CHST8: variants seen among roughly 807,000 people sequenced by gnomAD.
CHST8 encodes carbohydrate sulfotransferase 8.
A neutral mutation model predicts 15.0 loss-of-function variants in CHST8; 10 were observed. The ratio of observed to expected loss-of-function variants is 0.67; its 90% CI spans 0.41 to 1.13. The LOEUF (loss-of-function observed/expected upper bound fraction) is 1.13. Among genes scored for constraint, CHST8 ranks in the 50% most tolerant of loss-of-function variants. The pLI, the probability that CHST8 is intolerant of heterozygous loss-of-function variation, is 0.00. For synonymous variants in CHST8, 259 were observed against 256.6 expected (o/e 1.01, Z -0.09); for missense variants, 634 against 608.2 (o/e 1.04, Z -0.45).
intron 1 of CHST8, among the ~76,000 whole-genome samples, chr19:33,648,814 C>G (rs1972391081): frequency 1.5e-5 from 2 of 133,002 alleles, no homozygotes; most frequent in East Asian, 4.0e-4. Flanking sequence ...ACCCAAATAT[C>G]CATCAATAGA....
At chr19:33,677,299 C>T (rs1032179035) in intron 2 of CHST8, among the ~76,000 whole-genome samples, 1 of 152,184 alleles carries the variant, frequency 6.6e-6, no homozygotes, top group African/African-American at 2.4e-5. Context: ...GCCCCACGTA[C>T]AGGGATCATA....
intron 3 of CHST8, among the ~76,000 whole-genome samples, chr19:33,740,577 C>T (rs1468829264): frequency 2.0e-5 from 3 of 152,214 alleles, no homozygotes; most frequent in Admixed American, 6.5e-5. Context: ...ACTGTCATAC[C>T]ACTGTGTTGA....
At chr19:33,671,762 A>G (rs980037006) in intron 2 of CHST8, among the ~76,000 whole-genome samples, 2 of 151,766 alleles carry the variant, frequency 1.3e-5, no homozygotes, top group African/African-American at 4.8e-5. Context: ...CTCTAAGGTT[A>G]TATATAATCT....
rs749617284 is a variant in CHST8 at position 33,772,882 on chromosome 19, C to A, written c.1094C>A (p.Pro365Gln). The change falls in exon 5 of 5, where the codon CCG becomes CAG. Residue 365 changes from proline (P) to glutamine (Q), a missense_variant. Pro to Gln is a moderately conservative substitution (Grantham distance 76). Transcript: ENST00000650847. ...ANFFLSLIRA[P>Q]RNLTFPRFKD... ...TTCTTCCTGAGCCTCATCCGCGCGC[C>A]GCGGAACCTGACCTTCCCCCGGTTC... 1 of 1,613,402 alleles carries A rather than the reference C, an allele frequency of 6.2e-7. No individual in the cohort carries two copies. The highest frequency in any genetic ancestry group is 8.5e-7 in the Non-Finnish European group (1 of 1,180,038).
chr19:33,666,016 C>T (rs1307134196), intron 1 of CHST8, among the ~76,000 whole-genome samples: 1 of 152,252 alleles, frequency 6.6e-6, no homozygotes, highest in African/African-American at 2.4e-5. Flanking sequence ...TCGGAAACGG[C>T]TGTGCCCCAC....
At chr19:33,628,980 T>C (rs1247652869) in intron 1 of CHST8, among the ~76,000 whole-genome samples, 1 of 152,164 alleles carries the variant, frequency 6.6e-6, no homozygotes, top group Non-Finnish European at 1.5e-5. Context: ...GGCCCCACTG[T>C]GCTCTGAGCC....
At chr19:33,730,851 G>A (rs1973980785) in intron 3 of CHST8, among the ~76,000 whole-genome samples, 1 of 152,230 alleles carries the variant, frequency 6.6e-6, no homozygotes, top group African/African-American at 2.4e-5. Flanking sequence ...TATGGCTGAA[G>A]GCCCCAGAGC....
At chr19:33,726,359 G>A (rs559139572) in intron 3 of CHST8, among the ~76,000 whole-genome samples, 127 of 152,200 alleles carry the variant, frequency 8.3e-4, no homozygotes, top group African/African-American at 3.0e-3. Context: ...TCAGGAGTTC[G>A]AGACCAGCCT....
intron 3 of CHST8, among the ~76,000 whole-genome samples, chr19:33,694,459 C>G (rs1973170301): frequency 6.6e-6 from 1 of 151,678 alleles, no homozygotes; most frequent in Admixed American, 6.6e-5. Flanking sequence ...GATTGGACAG[C>G]CCCCGATGAC....
intron 1 of CHST8, among the ~76,000 whole-genome samples, chr19:33,655,203 A>C (rs183011894): frequency 6.6e-6 from 1 of 152,086 alleles, no homozygotes; most frequent in African/African-American, 2.4e-5. Context: ...TGCCTGGCTA[A>C]TTTTTGCATT....
At chr19:33,628,063 G>A (rs1450186878) in intron 1 of CHST8, among the ~76,000 whole-genome samples, 2 of 152,192 alleles carry the variant, frequency 1.3e-5, no homozygotes, top group Non-Finnish European at 2.9e-5. Context: ...GAGAGGTTAG[G>A]AGGACTTCTC....
At chr19:33,687,305 T>C (rs142655269) in intron 2 of CHST8, among the ~76,000 whole-genome samples, 1 of 152,170 alleles carries the variant, frequency 6.6e-6, no homozygotes, top group Non-Finnish European at 1.5e-5. Context: ...AGGGCAGCCA[T>C]GGAGAGAGAG....
chr19:33,772,656 C>G lies in CHST8; in HGVS notation c.868C>G (p.Arg290Gly), dbSNP rs758605225. 1.2e-5 allele frequency: 19 copies of G among 1,613,888 alleles called. No homozygotes were observed. The highest frequency in any genetic ancestry group is 1.6e-5 in the Non-Finnish European group (19 of 1,180,038). Residue 290 changes from arginine to glycine, a missense_variant, in exon 5 of 5, where the codon CGG (arginine) becomes GGG (glycine). Physicochemically the swap from Arg to Gly is moderately radical, Grantham distance 125. Coordinates refer to ENST00000650847, the MANE Select transcript of CHST8 (RefSeq NM_001127895.2). ...HPVFGKAILA[R>G]YRANASREAL... is the part of the protein sequence containing the mutation. ...GGTCTTCGGCAAGGCCATCCTGGCC[C>G]GGTACCGCGCCAATGCCTCTCGGGA... is the stretch of plus-strand genomic sequence containing the variant.
intron 3 of CHST8, among the ~76,000 whole-genome samples, chr19:33,728,983 A>G (rs1409454673): frequency 6.6e-6 from 1 of 152,172 alleles, no homozygotes; most frequent in Non-Finnish European, 1.5e-5. Flanking sequence ...GGCTTGGAAT[A>G]AGCAAGAAGA....
intron 3 of CHST8, among the ~76,000 whole-genome samples, chr19:33,757,438 G>T (rs1599629366): frequency 2.5e-4 from 5 of 20,248 alleles, no homozygotes; most frequent in South Asian, 1.7e-3. Context: ...AAGAAAGAAA[G>T]AAAGAAAGAA....
intron 3 of CHST8, among the ~76,000 whole-genome samples, chr19:33,757,475 A>AAAGGAAGG (rs1974594769): frequency 2.3e-5 from 1 of 44,346 alleles, no homozygotes; most frequent in Non-Finnish European, 4.7e-5. Context: ...AGAAAGAAAG[A>AAAGGAAGG]AAGAAAGAAA....
At chr19:33,624,176 C>T (rs946673804) in intron 1 of CHST8, among the ~76,000 whole-genome samples, 68 of 152,186 alleles carry the variant, frequency 4.5e-4, no homozygotes, top group African/African-American at 1.6e-3. Flanking sequence ...ATTAAAAAGT[C>T]AAGGCTTTCT....
At chr19:33,718,933 G>A (rs1973722581) in intron 3 of CHST8, among the ~76,000 whole-genome samples, 1 of 152,068 alleles carries the variant, frequency 6.6e-6, no homozygotes, top group Non-Finnish European at 1.5e-5. Flanking sequence ...TTGCTACTGA[G>A]AGGGAAGGAG....
chr19:33,637,354 G>C (rs1972218107), intron 1 of CHST8, among the ~76,000 whole-genome samples: 2 of 151,798 alleles, frequency 1.3e-5, no homozygotes, highest in South Asian at 4.2e-4. Context: ...ACACGCCTCT[G>C]ACAGAAGGAT....
Sources: allele counts gnomAD v4.1 joint callset (sites outside exome capture counted in the v4.1 genomes callset), GRCh38; gene constraint gnomAD v4.1.1; transcripts MANE v1.5; gene names NCBI Gene and HGNC (gene_info 2026-07-23, HGNC 2026-07-21).